The following GPC3 variants were observed in gnomAD, a reference collection of about 807,000 sequenced individuals.
GPC3 encodes glypican 3, also known as glypican-3.
Under a neutral mutation model 34.4 loss-of-function variants are expected in GPC3, and 3 were observed. The observed-to-expected ratio is 0.09, with a 90% CI of 0.04 to 0.23. GPC3 has a LOEUF of 0.23. Ranked by LOEUF, GPC3 falls within the 10% of genes least tolerant of loss-of-function variation. The probability of loss-of-function intolerance (pLI) is 1.00; values close to 1 mark genes in which losing one functional copy is unlikely to be tolerated. For missense variants in GPC3, 351 were observed against 445.6 expected, an observed-to-expected ratio of 0.79 and a Z score of 1.91; for synonymous variants, 177 against 174.0, an observed-to-expected ratio of 1.02 and a Z score of -0.13.
intron 2 of GPC3, among the ~76,000 whole-genome samples, chrX:133,798,723 G>A (rs1232387259): frequency 8.9e-6 from 1 of 112,172 alleles, no homozygotes; most frequent in Non-Finnish European, 1.9e-5. Flanking sequence ...TTTGAGCACT[G>A]CACCCTTTGC....
intron 2 of GPC3, among the ~76,000 whole-genome samples, chrX:133,838,543 T>A (rs1296926805): frequency 8.9e-6 from 1 of 112,620 alleles, no homozygotes; most frequent in Non-Finnish European, 1.9e-5. Flanking sequence ...GAAAAAAAGA[T>A]CTGCAGGGTA....
intron 3 of GPC3, among the ~76,000 whole-genome samples, chrX:133,713,229 T>C (rs776218349): frequency 2.7e-5 from 3 of 112,195 alleles, no homozygotes; most frequent in East Asian, 5.6e-4. Context: ...AAATGTTAAA[T>C]AGCAGTGTTA....
chrX:133,984,934 C>T (rs1265834179), intron 1 of GPC3, among the ~76,000 whole-genome samples: 1 of 111,405 alleles, frequency 9.0e-6, no homozygotes, highest in African/African-American at 3.3e-5. Context: ...GGCACCAGCT[C>T]GGCTGTGGGG....
At chrX:133,592,015 A>G (rs1357561055) in intron 7 of GPC3, among the ~76,000 whole-genome samples, 1 of 111,201 alleles carries the variant, frequency 9.0e-6, no homozygotes, top group Non-Finnish European at 1.9e-5. Flanking sequence ...AAAGAGTCAG[A>G]GTAGGCTTGT....
intron 7 of GPC3, among the ~76,000 whole-genome samples, chrX:133,595,733 T>C (rs762439370): frequency 9.0e-6 from 1 of 111,081 alleles, no homozygotes; most frequent in African/African-American, 3.3e-5. Flanking sequence ...CAGGCTGGTC[T>C]GGAACTCCTG....
intron 3 of GPC3, among the ~76,000 whole-genome samples, chrX:133,720,203 C>T (rs1172303625): frequency 9.0e-6 from 1 of 111,546 alleles, no homozygotes; most frequent in Non-Finnish European, 1.9e-5. Flanking sequence ...GGTATCTATC[C>T]AATATATGAA....
intron 6 of GPC3, among the ~76,000 whole-genome samples, chrX:133,630,008 C>T (rs193170551): frequency 0.011 from 1,190 of 109,633 alleles, 20 homozygotes; most frequent in African/African-American, 0.036. Context: ...GAGCCGAGAT[C>T]GTGCCATTGC....
chrX:133,546,326 G>T (rs188861500), intron 7 of GPC3, among the ~76,000 whole-genome samples: 2 of 109,107 alleles, frequency 1.8e-5, no homozygotes, highest in African/African-American at 6.7e-5. Flanking sequence ...ATAATGATAT[G>T]TATACACCTC....
chrX:133,928,317 T>C (rs1244210363), intron 2 of GPC3, among the ~76,000 whole-genome samples: 1 of 111,882 alleles, frequency 8.9e-6, no homozygotes, highest in Non-Finnish European at 1.9e-5. Context: ...TATCAATTCA[T>C]CCATTTGGAC....
At chrX:133,883,095 G>T (rs1035608455) in intron 2 of GPC3, among the ~76,000 whole-genome samples, 5 of 111,575 alleles carry the variant, frequency 4.5e-5, no homozygotes, top group Non-Finnish European at 9.4e-5. Context: ...GTGTGTGTGT[G>T]AATGCTTATA....
intron 2 of GPC3, among the ~76,000 whole-genome samples, chrX:133,927,508 CCT>C (rs1475070472): frequency 9.1e-6 from 1 of 109,315 alleles, no homozygotes; most frequent in Non-Finnish European, 1.9e-5. Flanking sequence ...AGACAGTCTC[CCT>C]CTGTCACCCA....
intron 2 of GPC3, among the ~76,000 whole-genome samples, chrX:133,785,154 TG>T (rs1214750711): frequency 9.0e-6 from 1 of 111,454 alleles, no homozygotes; most frequent in African/African-American, 3.3e-5. Context: ...TAGCACTGCT[TG>T]AGCACAGACT....
chrX:133,844,784 G>T (rs2075840534), intron 2 of GPC3, among the ~76,000 whole-genome samples: 1 of 112,019 alleles, frequency 8.9e-6, no homozygotes, highest in Non-Finnish European at 1.9e-5. Flanking sequence ...ATATAGTTGA[G>T]TTACAAGAAT....
At chrX:133,837,252 TG>T (rs1191753370) in intron 2 of GPC3, among the ~76,000 whole-genome samples, 2 of 111,451 alleles carry the variant, frequency 1.8e-5, no homozygotes, top group Non-Finnish European at 3.8e-5. Flanking sequence ...CTGCTACTGC[TG>T]TGAGTAATAA....
At chrX:133,619,803 T>C (rs1450220180) in intron 6 of GPC3, among the ~76,000 whole-genome samples, 2 of 110,902 alleles carry the variant, frequency 1.8e-5, no homozygotes, top group African/African-American at 3.3e-5. Flanking sequence ...GTGAATTTTA[T>C]AGTATGTGTA....
intron 2 of GPC3, among the ~76,000 whole-genome samples, chrX:133,901,686 G>C (rs184110614): frequency 9.0e-6 from 1 of 111,339 alleles, no homozygotes; most frequent in Admixed American, 9.6e-5. Flanking sequence ...CGATCTGCCC[G>C]CCTCGGCCTC....
intron 1 of GPC3, among the ~76,000 whole-genome samples, chrX:133,979,428 T>A (rs960927608): frequency 3.6e-5 from 4 of 112,201 alleles, no homozygotes; most frequent in African/African-American, 6.5e-5. Context: ...TTCATTTTTT[T>A]AAATTGCAAA....
intron 2 of GPC3, among the ~76,000 whole-genome samples, chrX:133,897,173 T>C (rs1222335263): frequency 9.4e-6 from 1 of 106,612 alleles, no homozygotes; most frequent in Admixed American, 1.0e-4. Context: ...CCTAAAGTGC[T>C]GGGATTACAG....
intron 3 of GPC3, among the ~76,000 whole-genome samples, chrX:133,744,304 A>G (rs1274213357): frequency 8.9e-6 from 1 of 112,598 alleles, no homozygotes; most frequent in Non-Finnish European, 1.9e-5. Context: ...AGGAACTTAA[A>G]CAAATTTACA....
Sources: gnomAD v4.1 joint callset for allele counts (sites outside exome capture counted in the v4.1 genomes callset) on GRCh38, gnomAD v4.1.1 for gene constraint, MANE v1.5 for transcripts, NCBI Gene and HGNC (gene_info 2026-07-23, HGNC 2026-07-21) for gene names.